The following SCAPER variants were observed in gnomAD, a reference collection of about 807,000 sequenced individuals.
The protein encoded by SCAPER is S phase cyclin A-associated protein in the endoplasmic reticulum.
Under a neutral mutation model 182.2 loss-of-function variants are expected in SCAPER, and 98 were observed. The observed-to-expected ratio is 0.54, with a 90% CI of 0.46 to 0.64. The LOEUF (loss-of-function observed/expected upper bound fraction) is 0.64. Among genes scored for constraint, SCAPER ranks in the 30% least tolerant of loss-of-function variants. The probability of loss-of-function intolerance (pLI) is 0.00; values close to 1 mark genes in which losing one functional copy is unlikely to be tolerated. For missense variants in SCAPER, 1,432 were observed against 1,690.0 expected (o/e 0.85, Z 2.68); for synonymous variants, 605 against 564.6 (o/e 1.07, Z -1.01).
At position 76,424,519 on chromosome 15, in the gene SCAPER, C is replaced by T. The variant is rs371639025; in HGVS notation, c.3311+9559G>A. On this transcript the variant is annotated intron_variant, in intron 26 of 31. Transcript: ENST00000563290. ...TTTTGAGCCTATGTGTGTCTCTGCA[C>T]GTGAGATGGGTCTACTGAATACAGC... is the stretch of plus-strand genomic sequence containing the variant. Among the ~76,000 whole-genome samples the T allele has an allele frequency of 4.4e-4, 67 of 152,182 alleles. 1 individual carries two copies. Among genetic ancestry groups the T allele is most frequent in the Admixed American group, 2.0e-3 (31 of 15,274 alleles).
At chr15:76,687,400 A>G (rs2058090072) in intron 20 of SCAPER, among the ~76,000 whole-genome samples, 1 of 152,160 alleles carries the variant, frequency 6.6e-6, no homozygotes, top group Non-Finnish European at 1.5e-5. Context: ...TAAAAGTAAA[A>G]ATTAAAAATC....
chr15:76,748,640 A>G (rs1289008534), intron 15 of SCAPER, among the ~76,000 whole-genome samples: 1 of 151,648 alleles, frequency 6.6e-6, no homozygotes, highest in African/African-American at 2.4e-5. Context: ...AGGAACTCGT[A>G]TAACTGAACA....
At chr15:76,678,676 A>G (rs2057507768) in intron 20 of SCAPER, among the ~76,000 whole-genome samples, 2 of 151,442 alleles carry the variant, frequency 1.3e-5, no homozygotes, top group Non-Finnish European at 2.9e-5. Context: ...AGAAAGAAGA[A>G]GAAGGAAAAT....
At chr15:76,733,464 T>A in intron 15 of SCAPER, 80 bp from the exon 16 acceptor site, 1 of 1,504,920 alleles carries the variant, frequency 6.6e-7, no homozygotes, top group Non-Finnish European at 8.9e-7. Context: ...CTAACAACAG[T>A]CAGGCTGGGC....
At chr15:76,838,553 G>T (rs2069155467) in intron 5 of SCAPER, among the ~76,000 whole-genome samples, 1 of 151,926 alleles carries the variant, frequency 6.6e-6, no homozygotes, top group South Asian at 2.1e-4. Flanking sequence ...TCCTTTCAAG[G>T]CATACTATCC....
At chr15:76,567,451 C>T (rs1340857627) in intron 23 of SCAPER, 5 of 395,868 alleles carry the variant, frequency 1.3e-5, no homozygotes, top group Non-Finnish European at 2.6e-5. Flanking sequence ...TAGTAGACAA[C>T]AGCAGACTGT....
chr15:76,406,194 G>A (rs941689493), intron 26 of SCAPER, among the ~76,000 whole-genome samples: 2 of 152,154 alleles, frequency 1.3e-5, no homozygotes, highest in African/African-American at 4.8e-5. Context: ...TGTTTTGTCT[G>A]TAGCCAGACA....
intron 27 of SCAPER, among the ~76,000 whole-genome samples, chr15:76,397,988 T>C (rs1016951715): frequency 6.6e-6 from 1 of 152,222 alleles, no homozygotes; most frequent in African/African-American, 2.4e-5. Context: ...TACGATCTCA[T>C]TTGAGCCTCA....
At chr15:76,449,269 A>G (rs1032221216) in intron 25 of SCAPER, among the ~76,000 whole-genome samples, 2 of 152,214 alleles carry the variant, frequency 1.3e-5, no homozygotes, top group African/African-American at 2.4e-5. Context: ...ACATATCTCC[A>G]TAACTGACAT....
intron 22 of SCAPER, among the ~76,000 whole-genome samples, chr15:76,610,757 A>G (rs1340382568): frequency 2.6e-5 from 4 of 152,210 alleles, no homozygotes; most frequent in Non-Finnish European, 5.9e-5. Flanking sequence ...ATTATAAAAC[A>G]CTGATTAAGG....
In SCAPER at chr15:76,687,068, T is replaced by C. The variant is rs564199818; in HGVS notation, c.2508+14690A>G. Among the ~76,000 whole-genome samples the C allele has an allele frequency of 6.6e-5, 10 of 152,192 alleles. No homozygotes were observed. The South Asian group carries it at 1.0e-3, about 16-fold the overall frequency. Reference sequence around the variant, plus strand: ...TCACCAGTAAAAGAGATATAAAAAGTTATGACTGTGATGATAAATCTTTGG... The same window carrying C: ...TCACCAGTAAAAGAGATATAAAAAGCTATGACTGTGATGATAAATCTTTGG... On this transcript the variant is annotated intron_variant, in intron 20 of 31. Transcript: ENST00000563290.
At chr15:76,466,419 C>T (rs157777) in intron 25 of SCAPER, among the ~76,000 whole-genome samples, 4,084 of 37,396 alleles carry the variant, frequency 0.11, 319 homozygotes, top group Middle Eastern at 0.21. Flanking sequence ...GTTGGTTCTT[C>T]TTTTTTTTTT....
In SCAPER at chr15:76,869,916, A is replaced by G. The variant is rs570071391; in HGVS notation, c.7-7383T>C. ...AAAGTTGAATATCATTCAGCCATGAAAAAGAATAAAATCCTGTCACTTGCA... is the reference window on the plus strand; with the variant it reads ...AAAGTTGAATATCATTCAGCCATGAGAAAGAATAAAATCCTGTCACTTGCA... On this transcript the variant is annotated intron_variant, in intron 2 of 31. Coordinates refer to ENST00000563290, the MANE Select transcript of SCAPER (RefSeq NM_020843.4). Among the ~76,000 whole-genome samples, 6 of 152,338 alleles carry G rather than the reference A, an allele frequency of 3.9e-5. No homozygotes were observed. The South Asian group carries it at 1.2e-3, about 32-fold the overall frequency.
chr15:76,683,152 G>C (rs1009027363), intron 20 of SCAPER, among the ~76,000 whole-genome samples: 11 of 151,614 alleles, frequency 7.3e-5, no homozygotes, highest in African/African-American at 2.7e-4. Flanking sequence ...AAGTATCTAA[G>C]AAATACGATG....
chr15:76,377,457 AG>A (rs1363735223), intron 28 of SCAPER, among the ~76,000 whole-genome samples: 1 of 152,234 alleles, frequency 6.6e-6, no homozygotes, highest in Non-Finnish European at 1.5e-5. Flanking sequence ...TTCACTGATA[AG>A]AGCAGGTCAA....
chr15:76,746,996 C>T (rs967268097), intron 15 of SCAPER, among the ~76,000 whole-genome samples: 2 of 152,122 alleles, frequency 1.3e-5, no homozygotes, highest in South Asian at 2.1e-4. Context: ...TTTGCAGATA[C>T]GAAAAACCAA....
At chr15:76,422,132 A>C (rs1325455121) in intron 26 of SCAPER, among the ~76,000 whole-genome samples, 1 of 152,006 alleles carries the variant, frequency 6.6e-6, no homozygotes, top group Non-Finnish European at 1.5e-5. Context: ...CATGAACTTT[A>C]AAGTTTTTTC....
At chr15:76,467,460 A>G (rs1215529522) in intron 25 of SCAPER, among the ~76,000 whole-genome samples, 1 of 148,296 alleles carries the variant, frequency 6.7e-6, no homozygotes, top group East Asian at 2.0e-4. Context: ...TTTTTTTTAA[A>G]GACAGGATCT....
intron 21 of SCAPER, among the ~76,000 whole-genome samples, chr15:76,637,252 G>A (rs1005732410): frequency 1.3e-5 from 2 of 151,960 alleles, no homozygotes; most frequent in African/African-American, 2.4e-5. Flanking sequence ...TTCAATTCTT[G>A]AGGGTATATA....
Sources: gnomAD v4.1 joint callset for allele counts (sites outside exome capture counted in the v4.1 genomes callset) on GRCh38, gnomAD v4.1.1 for gene constraint, MANE v1.5 for transcripts, NCBI Gene and HGNC (gene_info 2026-07-23, HGNC 2026-07-21) for gene names.